The following CAMK1D variants were observed in gnomAD, a reference collection of about 807,000 sequenced individuals.
CAMK1D encodes calcium/calmodulin dependent protein kinase ID.
In CAMK1D, 9 loss-of-function variants were observed where a neutral mutation model predicts 47.7. The ratio of observed to expected loss-of-function variants is 0.19; its 90% confidence interval spans 0.11 to 0.33. The LOEUF (loss-of-function observed/expected upper bound fraction) is 0.33. CAMK1D is among the 10% of genes least tolerant of loss of function. CAMK1D has a pLI of 1.00. For missense variants in CAMK1D, 291 were observed against 488.7 expected, an observed-to-expected ratio of 0.60 and a Z score of 3.81; for synonymous variants, 184 against 184.9, an observed-to-expected ratio of 0.99 and a Z score of 0.04.
At chr10:12,375,238 G>T (rs1404017633) in intron 1 of CAMK1D, among the ~76,000 whole-genome samples, 2 of 152,126 alleles carry the variant, frequency 1.3e-5, no homozygotes, top group African/African-American at 4.8e-5. Flanking sequence ...GAGTTTATTT[G>T]GTTCTGTTTT....
At chr10:12,561,316 G>C (rs1836936487) in intron 2 of CAMK1D, among the ~76,000 whole-genome samples, 2 of 152,144 alleles carry the variant, frequency 1.3e-5, no homozygotes, top group African/African-American at 4.8e-5. Context: ...GCCAAGCTTT[G>C]GGCACGTACA....
intron 2 of CAMK1D, among the ~76,000 whole-genome samples, chr10:12,660,392 C>A (rs537159045): frequency 1.5e-4 from 23 of 152,362 alleles, no homozygotes; most frequent in South Asian, 1.5e-3. Context: ...CAGTAGCAGG[C>A]TGACCCTTTG....
chr10:12,406,191 A>G (rs761368760), intron 1 of CAMK1D, among the ~76,000 whole-genome samples: 41 of 151,858 alleles, frequency 2.7e-4, no homozygotes, highest in African/African-American at 4.1e-4. Flanking sequence ...TGTGCTGTGC[A>G]CTCCGGACAT....
chr10:12,528,459 C>T (rs1835696942), intron 1 of CAMK1D, among the ~76,000 whole-genome samples: 1 of 152,142 alleles, frequency 6.6e-6, no homozygotes, highest in African/African-American at 2.4e-5. Flanking sequence ...CAGTAGCATT[C>T]TATAGTACAG....
At chr10:12,472,207 G>A (rs960778221) in intron 1 of CAMK1D, among the ~76,000 whole-genome samples, 1 of 152,120 alleles carries the variant, frequency 6.6e-6, no homozygotes, top group Non-Finnish European at 1.5e-5. Flanking sequence ...GAGACACAGC[G>A]ATGCTCTGCC....
At chr10:12,621,563 G>A (rs1322013966) in intron 2 of CAMK1D, among the ~76,000 whole-genome samples, 1 of 151,234 alleles carries the variant, frequency 6.6e-6, no homozygotes, top group Non-Finnish European at 1.5e-5. Flanking sequence ...ATAAATGTTT[G>A]CTTAGATTTA....
At chr10:12,439,455 T>C (rs1396498977) in intron 1 of CAMK1D, among the ~76,000 whole-genome samples, 3 of 152,258 alleles carry the variant, frequency 2.0e-5, no homozygotes, top group African/African-American at 7.2e-5. Context: ...TGAAAGGATA[T>C]GCATGTTATT....
intron 1 of CAMK1D, among the ~76,000 whole-genome samples, chr10:12,445,170 G>A (rs1257881296): frequency 6.6e-6 from 1 of 152,182 alleles, no homozygotes; most frequent in Non-Finnish European, 1.5e-5. Context: ...CCGGCCAGTC[G>A]TGCCCGAATT....
chr10:12,639,558 T>C (rs953836789), intron 2 of CAMK1D, among the ~76,000 whole-genome samples: 1 of 151,970 alleles, frequency 6.6e-6, no homozygotes, highest in East Asian at 1.9e-4. Flanking sequence ...ATTTTTTTTT[T>C]AAATTTAATT....
At chr10:12,438,005 T>C (rs987453080) in intron 1 of CAMK1D, among the ~76,000 whole-genome samples, 1 of 152,188 alleles carries the variant, frequency 6.6e-6, no homozygotes, top group African/African-American at 2.4e-5. Flanking sequence ...TTCCAGAATC[T>C]CAGAAGGAAA....
intron 2 of CAMK1D, among the ~76,000 whole-genome samples, chr10:12,659,094 G>T (rs547506963): frequency 1.3e-5 from 2 of 152,282 alleles, no homozygotes; most frequent in South Asian, 2.1e-4. Context: ...CAGCCTGCCC[G>T]TCTGCATGCT....
At chr10:12,374,379 C>T (rs1263243115) in intron 1 of CAMK1D, among the ~76,000 whole-genome samples, 1 of 152,126 alleles carries the variant, frequency 6.6e-6, no homozygotes, top group African/African-American at 2.4e-5. Context: ...TAGCCATTCC[C>T]TGTGTCCTAC....
chr10:12,677,426 G>A (rs900862051), intron 3 of CAMK1D, among the ~76,000 whole-genome samples: 2 of 152,212 alleles, frequency 1.3e-5, no homozygotes, highest in South Asian at 4.1e-4. Context: ...TTAGCATTGC[G>A]GGGGTGGGAA....
chr10:12,646,594 T>C (rs1298902396), intron 2 of CAMK1D, among the ~76,000 whole-genome samples: 1 of 152,070 alleles, frequency 6.6e-6, no homozygotes, highest in Non-Finnish European at 1.5e-5. Context: ...CCTTGTAAAA[T>C]AGGGATAATA....
chr10:12,394,724 A>G (rs1398351849), intron 1 of CAMK1D, among the ~76,000 whole-genome samples: 1 of 152,142 alleles, frequency 6.6e-6, no homozygotes, highest in Non-Finnish European at 1.5e-5. Context: ...ACCAGGTTAG[A>G]AAGGGGGGTA....
At chr10:12,641,639 A>G (rs1324794571) in intron 2 of CAMK1D, among the ~76,000 whole-genome samples, 2 of 152,096 alleles carry the variant, frequency 1.3e-5, no homozygotes, top group Non-Finnish European at 2.9e-5. Flanking sequence ...AAGCAAAGAA[A>G]AAAAGAGAAA....
chr10:12,469,543 T>G (rs995400821), intron 1 of CAMK1D, among the ~76,000 whole-genome samples: 4 of 152,122 alleles, frequency 2.6e-5, no homozygotes, highest in African/African-American at 7.2e-5. Context: ...ACAACCCACC[T>G]TCCCCAGGAA....
chr10:12,756,905 A>T (rs1337372482), intron 3 of CAMK1D, among the ~76,000 whole-genome samples: 2 of 152,254 alleles, frequency 1.3e-5, no homozygotes, highest in Non-Finnish European at 2.9e-5. Context: ...CCTGGGCGAC[A>T]GAGTGAGACT....
intron 2 of CAMK1D, among the ~76,000 whole-genome samples, chr10:12,595,875 C>T (rs1237505548): frequency 6.6e-6 from 1 of 152,178 alleles, no homozygotes; most frequent in Non-Finnish European, 1.5e-5. Flanking sequence ...AGCTGTGTAG[C>T]CAACTCTGAA....
Sources: gnomAD v4.1 joint callset for allele counts (sites outside exome capture counted in the v4.1 genomes callset) on GRCh38, gnomAD v4.1.1 for gene constraint, MANE v1.5 for transcripts, NCBI Gene and HGNC (gene_info 2026-07-23, HGNC 2026-07-21) for gene names.